The following COL18A1 variants were observed in gnomAD, a reference collection of about 807,000 sequenced individuals.
COL18A1 encodes the protein collagen alpha-1(XVIII) chain.
COL18A1 carries 133 observed loss-of-function variants against 168.0 expected under a neutral mutation model. The ratio of observed to expected loss-of-function variants is 0.79; its 90% CI spans 0.69 to 0.91. COL18A1 has a LOEUF of 0.91. Among genes scored for constraint, COL18A1 ranks in the 40% least tolerant of loss-of-function variants. The pLI is 0.00. For missense variants in COL18A1, 2,126 were observed against 1,925.4 expected, an observed-to-expected ratio of 1.10 and a Z score of -1.95; for synonymous variants, 949 against 809.0, an observed-to-expected ratio of 1.17 and a Z score of -2.94.
chr21:45,473,018 G>A lies in COL18A1; in HGVS notation c.652-877G>A, dbSNP rs939988611. Among the ~76,000 whole-genome samples the A allele has an allele frequency of 6.6e-6, 1 of 152,244 alleles. No individual in the cohort carries two copies. Among genetic ancestry groups the A allele is most frequent in the Non-Finnish European group, 1.5e-5 (1 of 68,032 alleles). Reference sequence around the variant, plus strand: ...GCTCCAGCTGGCCTCGCTTGGCTCTGAAATCTAGGCCAGGATGCAGAACCC... The same window carrying A: ...GCTCCAGCTGGCCTCGCTTGGCTCTAAAATCTAGGCCAGGATGCAGAACCC... On this transcript the variant is annotated intron_variant, in intron 3 of 41. Coordinates refer to ENST00000651438, the MANE Select transcript of COL18A1 (RefSeq NM_001379500.1). The surrounding 1 kb of genome is among the most constrained non-coding windows in gnomAD (Gnocchi z 4.0).
chr21:45,442,616 T>A (rs1048448414), intron 2 of COL18A1, among the ~76,000 whole-genome samples: 66 of 150,232 alleles, frequency 4.4e-4, no homozygotes, highest in Non-Finnish European at 7.5e-4. Flanking sequence ...TGGGCGGCGG[T>A]CCTGGTGTGG....
intron 2 of COL18A1, chr21:45,410,117 C>T (rs1016591931): frequency 5.3e-5 from 8 of 152,212 alleles, no homozygotes; most frequent in African/African-American, 9.6e-5. Flanking sequence ...GCTCCTCCGG[C>T]GCGGGCAGGC....
chr21:45,505,499 C>A, intron 36 of COL18A1, 68 bp downstream of exon 36: 2 of 839,400 alleles, frequency 2.4e-6, no homozygotes, highest in Non-Finnish European at 3.9e-6. Context: ...GCCCCTGCCC[C>A]TCAGAGACAC....
intron 22 of COL18A1, among the ~76,000 whole-genome samples, chr21:45,491,872 G>C (rs572510917): frequency 1.3e-5 from 2 of 152,306 alleles, no homozygotes; most frequent in East Asian, 1.9e-4. Flanking sequence ...GCAGGGAGCT[G>C]AGCCCTGGGC....
chr21:45,466,093 A>T (rs1459947886), intron 2 of COL18A1, among the ~76,000 whole-genome samples: 1 of 152,140 alleles, frequency 6.6e-6, no homozygotes, highest in Non-Finnish European at 1.5e-5. Flanking sequence ...GGTCCTGGAA[A>T]GTCCGGCTTC....
chr21:45,434,474 C>T (rs1227150863), intron 2 of COL18A1, among the ~76,000 whole-genome samples: 4 of 152,200 alleles, frequency 2.6e-5, no homozygotes, highest in Non-Finnish European at 5.9e-5. Flanking sequence ...TGCAGCAGTT[C>T]TGAGCATCAG....
chr21:45,496,071 C>CATGCCCTCT (rs1555871299), intron 29 of COL18A1: 5 of 368,694 alleles, frequency 1.4e-5, no homozygotes, highest in Middle Eastern at 9.5e-4. Context: ...GGGCCTGGGC[C>CATGCCCTCT]ATGCCCTCCA....
chr21:45,436,382 G>A (rs1490593254), intron 2 of COL18A1, among the ~76,000 whole-genome samples: 2 of 152,332 alleles, frequency 1.3e-5, no homozygotes, highest in Admixed American at 6.5e-5. Flanking sequence ...GGGCAGGGAC[G>A]AGGGACTGTG....
chr21:45,507,660 T>A, intron 38 of COL18A1, 67 bp downstream of exon 38: 1 of 1,458,758 alleles, frequency 6.9e-7, no homozygotes. Context: ...TGCTGTCCCC[T>A]GTTTGAGGAA....
At chr21:45,456,127 C>A (rs1179058016) in intron 2 of COL18A1, 1 of 1,585,328 alleles carries the variant, frequency 6.3e-7, no homozygotes, top group Non-Finnish European at 8.6e-7. Flanking sequence ...CCTCCCTGGG[C>A]AGGCCCTGGG....
At chr21:45,452,893 A>T (rs893962181) in intron 2 of COL18A1, among the ~76,000 whole-genome samples, 2 of 151,866 alleles carry the variant, frequency 1.3e-5, no homozygotes, top group Non-Finnish European at 2.9e-5. Flanking sequence ...CACATGTGAC[A>T]TGTGAGCATG....
In COL18A1 at chr21:45,498,313, CGGTCCCCTCTCGCCGCCAG is replaced by C. The variant is rs748650118; in HGVS notation, c.2683+664_2683+682del. ...CCACCAGGGTCCCCTCTCGCCGCCACGGTCCCCTCTCGCCGCCAGGGTCCCCTCTCACCGCCAGGGTTCC... is the reference window on the plus strand; with the variant it reads ...CCACCAGGGTCCCCTCTCGCCGCCACGGTCCCCTCTCACCGCCAGGGTTCC... On this transcript the variant is annotated intron_variant, in intron 32 of 41. Transcript: ENST00000651438. This position sits in a 1 kb window ranked among gnomAD's most constrained non-coding sequence, Gnocchi z 4.5. 7.4e-5 allele frequency: 51 copies of C among 691,294 alleles called. 1 individual carries two copies. Among genetic ancestry groups the C allele is most frequent in the South Asian group, 4.0e-4 (26 of 65,498 alleles). The allele number at this position is 691,294 out of a possible 1,614,324, so 42.8% of individuals were successfully genotyped here.
chr21:45,505,787 G>GGCC, intron 36 of COL18A1, 51 bp from the exon 37 acceptor site: 18 of 1,248,142 alleles, frequency 1.4e-5, no homozygotes, highest in Middle Eastern at 2.6e-4. Context: ...TTCCGCCCCT[G>GGCC]CCCCCCGCCC....
Position 45,480,723 on chromosome 21 carries a change from T to C in COL18A1, c.1476T>C (p.Pro492=). Residue 492 remains proline (P), a synonymous_variant, in exon 13 of 42, where the codon CCT becomes CCC. Coordinates refer to ENST00000651438, the MANE Select transcript of COL18A1 (RefSeq NM_001379500.1). The stretch of plus-strand genomic sequence containing the variant: ...AGGGTCCTCGAGGCTTCCCTGGACC[T>C]CCCGGACCCCCCGGTGTCCCAGGCC... The part of the protein sequence containing the change: ...ALRGPRGFPG[P]PGPPGVPGLP... 2 of 1,610,798 alleles carry C rather than the reference T, an allele frequency of 1.2e-6. No homozygotes were observed. Among genetic ancestry groups the C allele is most frequent in the African/African-American group, 1.3e-5 (1 of 75,026 alleles).
Position 45,504,568 on chromosome 21 carries a change from C to T in COL18A1, c.2868+12C>T, listed in dbSNP as rs1043069230. On this transcript the variant is annotated intron_variant, in intron 34 of 41. Coordinates refer to ENST00000651438, the MANE Select transcript of COL18A1 (RefSeq NM_001379500.1). Reference sequence around the variant, plus strand: ...ACCCTGGGATTCCAGTAAGTCCCAGCCTGTGCAGGCAGAGCCCATGTCCCA... The same window carrying T: ...ACCCTGGGATTCCAGTAAGTCCCAGTCTGTGCAGGCAGAGCCCATGTCCCA... 3 of 1,565,318 alleles carry T rather than the reference C, an allele frequency of 1.9e-6. No homozygotes were observed. Among genetic ancestry groups the T allele is most frequent in the South Asian group, 1.2e-5 (1 of 86,090 alleles).
At chr21:45,461,879 G>T (rs1231661138) in intron 2 of COL18A1, among the ~76,000 whole-genome samples, 1 of 152,166 alleles carries the variant, frequency 6.6e-6, no homozygotes, top group African/African-American at 2.4e-5. Flanking sequence ...TTCTTCATGT[G>T]ACTTACTGTT....
chr21:45,465,893 G>A (rs954276944), intron 2 of COL18A1, among the ~76,000 whole-genome samples: 2 of 152,180 alleles, frequency 1.3e-5, no homozygotes, highest in African/African-American at 4.8e-5. Flanking sequence ...AGGGATGCAG[G>A]ACATTGGGTG....
Position 45,456,646 on chromosome 21 carries a change from G to T in COL18A1, c.107-11596G>T, listed in dbSNP as rs778431938. The T allele has an allele frequency of 2.3e-5, 36 of 1,536,100 alleles. No individual in the cohort carries two copies. The Middle Eastern group carries it at 5.0e-4, about 21-fold the overall frequency. On this transcript the variant is annotated intron_variant, in intron 2 of 41. Coordinates refer to ENST00000651438, the MANE Select transcript of COL18A1 (RefSeq NM_001379500.1). ...AGCAGGTGCGGGCCGGGGCACGGGC[G>T]TGGGGGGGCCTGCTGCAGACGCACT...
intron 2 of COL18A1, chr21:45,421,477 G>A: frequency 1.9e-6 from 1 of 534,590 alleles, no homozygotes; most frequent in Non-Finnish European, 3.8e-6. Context: ...AGCGGAGCAG[G>A]ACACCGCGTT....
Sources: gnomAD v4.1 joint callset for allele counts (sites outside exome capture counted in the v4.1 genomes callset) on GRCh38, gnomAD v4.1.1 for gene constraint, Gnocchi (gnomAD v3.1) non-coding constraint, MANE v1.5 for transcripts, NCBI Gene and HGNC (gene_info 2026-07-23, HGNC 2026-07-21) for gene names.